The following SMYD3 variants were observed in gnomAD, a reference collection of about 807,000 sequenced individuals.
SMYD3 encodes SET and MYND domain containing 3.
A neutral mutation model predicts 57.7 loss-of-function variants in SMYD3; 36 were observed. The ratio of observed to expected loss-of-function variants is 0.62; its 90% CI spans 0.48 to 0.82. SMYD3 has a LOEUF of 0.82. Among genes scored for constraint, SMYD3 ranks in the 40% least tolerant of loss-of-function variants. The pLI is 0.00. For missense variants in SMYD3, 515 were observed against 538.8 expected (o/e 0.96, Z 0.44); for synonymous variants, 211 against 195.0 (o/e 1.08, Z -0.68).
chr1:245,830,163 G>C (rs1000716018), intron 10 of SMYD3, among the ~76,000 whole-genome samples: 1 of 152,208 alleles, frequency 6.6e-6, no homozygotes, highest in African/African-American at 2.4e-5. Context: ...AAGATATACT[G>C]AGAACTAGTG....
chr1:245,824,059 C>T (rs561748434), intron 10 of SMYD3, among the ~76,000 whole-genome samples: 6 of 152,292 alleles, frequency 3.9e-5, no homozygotes, highest in East Asian at 1.9e-4. Context: ...CCCCTACTCA[C>T]GACTGGAGAG....
intron 2 of SMYD3, among the ~76,000 whole-genome samples, chr1:246,352,784 G>C (rs1428169429): frequency 2.0e-5 from 3 of 152,160 alleles, no homozygotes; most frequent in Non-Finnish European, 4.4e-5. Flanking sequence ...TCTTCCCTGA[G>C]TGTACTACAA....
chr1:246,141,520 T>G (rs2061755310), intron 5 of SMYD3, among the ~76,000 whole-genome samples: 1 of 152,218 alleles, frequency 6.6e-6, no homozygotes, highest in South Asian at 2.1e-4. Context: ...CTGTCCTCAA[T>G]TCTCTCCTTC....
At position 246,004,141 on chromosome 1, in the gene SMYD3, C is replaced by T. The variant is rs151234279; in HGVS notation, c.532-74204G>A. 3.3e-5 allele frequency among the ~76,000 whole-genome samples: 5 copies of T among 152,318 alleles called. 1 individual carries two copies. The highest frequency in any genetic ancestry group is 1.9e-4 in the East Asian group (1 of 5,190). Reference sequence around the variant, plus strand: ...TGTGAGGATTAAATGGAAATCGGTACGCAAAATGGCCAGCACAGTGCTAAC... The same window carrying T: ...TGTGAGGATTAAATGGAAATCGGTATGCAAAATGGCCAGCACAGTGCTAAC... On this transcript the variant is annotated intron_variant, in intron 5 of 11. Coordinates refer to ENST00000490107, the MANE Select transcript of SMYD3 (RefSeq NM_001167740.2).
intron 5 of SMYD3, among the ~76,000 whole-genome samples, chr1:246,158,713 T>A (rs1222667987): frequency 6.6e-6 from 1 of 152,148 alleles, no homozygotes; most frequent in Non-Finnish European, 1.5e-5. Flanking sequence ...TATAAAGGGA[T>A]ATAATCACTC....
intron 5 of SMYD3, among the ~76,000 whole-genome samples, chr1:246,258,934 T>G (rs1453410932): frequency 2.0e-5 from 3 of 152,212 alleles, no homozygotes; most frequent in Non-Finnish European, 2.9e-5. Context: ...TTCTTCCTTT[T>G]TGTCTGACTG....
At chr1:246,409,869 T>A (rs12077781) in intron 1 of SMYD3, among the ~76,000 whole-genome samples, 7,467 of 152,252 alleles carry the variant, frequency 0.049, 642 homozygotes, top group African/African-American at 0.17. Context: ...TGGTTTATAG[T>A]TCTCCTTGAA....
At chr1:246,393,235 A>C (rs898450652) in intron 1 of SMYD3, among the ~76,000 whole-genome samples, 2 of 152,252 alleles carry the variant, frequency 1.3e-5, no homozygotes, top group African/African-American at 4.8e-5. Flanking sequence ...TGAGTGAAGT[A>C]TATGAGATGT....
rs560269474 is a variant in SMYD3 at position 245,800,958 on chromosome 1, T to C, written c.1077-36809A>G. 3.9e-5 allele frequency among the ~76,000 whole-genome samples: 6 copies of C among 152,364 alleles called. No individual in the cohort carries two copies. The East Asian group carries it at 1.2e-3, about 29-fold the overall frequency. ...AGAATGAATTTTATACAGTTTTCATTACAGAATGTGGGGTGTAGTAATTCT... is the reference window on the plus strand; with the variant it reads ...AGAATGAATTTTATACAGTTTTCATCACAGAATGTGGGGTGTAGTAATTCT... On this transcript the variant is annotated intron_variant, in intron 10 of 11. Transcript: ENST00000490107.
intron 5 of SMYD3, among the ~76,000 whole-genome samples, chr1:246,228,986 C>T (rs185312487): frequency 6.6e-6 from 1 of 152,116 alleles, no homozygotes; most frequent in Non-Finnish European, 1.5e-5. Context: ...ATACAAATTT[C>T]GAAGCTACAA....
At chr1:246,368,843 G>T (rs1462197873) in intron 1 of SMYD3, among the ~76,000 whole-genome samples, 2 of 152,130 alleles carry the variant, frequency 1.3e-5, no homozygotes, top group Non-Finnish European at 2.9e-5. Context: ...CAAACATCAG[G>T]CTCCAAGTTC....
intron 5 of SMYD3, among the ~76,000 whole-genome samples, chr1:246,135,825 C>T (rs1213859610): frequency 6.6e-6 from 1 of 152,080 alleles, no homozygotes; most frequent in African/African-American, 2.4e-5. Context: ...TGCTAAGAGT[C>T]ATCTAGTTCA....
chr1:246,190,509 C>T (rs1369939701), intron 5 of SMYD3, among the ~76,000 whole-genome samples: 2 of 141,946 alleles, frequency 1.4e-5, no homozygotes, highest in African/African-American at 5.0e-5. Flanking sequence ...CGCTTGAACC[C>T]GGGAGGCAGA....
intron 5 of SMYD3, among the ~76,000 whole-genome samples, chr1:245,952,931 T>A (rs548823143): frequency 3.9e-5 from 6 of 152,144 alleles, no homozygotes; most frequent in Non-Finnish European, 8.8e-5. Flanking sequence ...TGTATCTAGA[T>A]GCTATATCAA....
rs888905990 is a variant in SMYD3, at chr1:245,889,112, A to C, written c.814-25226T>G. On this transcript the variant is annotated intron_variant, in intron 8 of 11. Coordinates refer to ENST00000490107, the MANE Select transcript of SMYD3 (RefSeq NM_001167740.2). Reference sequence around the variant, plus strand: ...AGCTGTTAGTGGAACTTTGTGTGGCAGAGACCTATAGAACTCCAAAGTTAG... The same window carrying C: ...AGCTGTTAGTGGAACTTTGTGTGGCCGAGACCTATAGAACTCCAAAGTTAG... Among the ~76,000 whole-genome samples the C allele has an allele frequency of 3.9e-5, 6 of 152,212 alleles. No homozygotes were observed. In the South Asian group the frequency reaches 6.2e-4, roughly 16 times the overall value.
intron 7 of SMYD3, among the ~76,000 whole-genome samples, chr1:245,916,609 G>T (rs74154340): frequency 1.3e-4 from 19 of 151,888 alleles, no homozygotes; most frequent in Non-Finnish European, 2.8e-4. Flanking sequence ...GAAATTCTGC[G>T]GGCTCCACCT....
chr1:246,088,323 CG>C (rs1225915577), intron 5 of SMYD3, among the ~76,000 whole-genome samples: 6 of 151,968 alleles, frequency 3.9e-5, no homozygotes, highest in African/African-American at 1.5e-4. Flanking sequence ...CCATTTCTCC[CG>C]GCTTAAAAGT....
intron 1 of SMYD3, among the ~76,000 whole-genome samples, chr1:246,380,336 C>A (rs2066366552): frequency 6.6e-6 from 1 of 152,146 alleles, no homozygotes; most frequent in African/African-American, 2.4e-5. Context: ...TTATAATAAT[C>A]CTCAGAAATG....
intron 10 of SMYD3, among the ~76,000 whole-genome samples, chr1:245,767,519 G>C (rs1449229288): frequency 1.3e-5 from 2 of 152,236 alleles, no homozygotes; most frequent in Non-Finnish European, 2.9e-5. Context: ...ACCACACAAT[G>C]TGTGCTCTGG....
Sources: gnomAD v4.1 joint callset for allele counts (sites outside exome capture counted in the v4.1 genomes callset) on GRCh38, gnomAD v4.1.1 for gene constraint, MANE v1.5 for transcripts, NCBI Gene and HGNC (gene_info 2026-07-23, HGNC 2026-07-21) for gene names.